The following RAB11FIP4 variants were observed in gnomAD, a reference collection of about 807,000 sequenced individuals.
The protein encoded by RAB11FIP4 is RAB11 family interacting protein 4, also known as rab11 family-interacting protein 4.
In RAB11FIP4, 23 loss-of-function variants were observed where a neutral mutation model predicts 74.3. The observed-to-expected ratio is 0.31, with a 90% CI of 0.22 to 0.44. The LOEUF (loss-of-function observed/expected upper bound fraction) is 0.44. Among genes scored for constraint, RAB11FIP4 ranks in the 20% least tolerant of loss-of-function variants. The pLI is 1.00. For missense variants in RAB11FIP4, 630 were observed against 863.9 expected (o/e 0.73, Z 3.39); for synonymous variants, 360 against 359.9 (o/e 1.00, Z 0.00).
intron 3 of RAB11FIP4, among the ~76,000 whole-genome samples, chr17:31,508,140 C>G (rs1277469567): frequency 2.0e-5 from 3 of 152,140 alleles, no homozygotes; most frequent in Admixed American, 6.5e-5. Context: ...TTTTTAACTC[C>G]CAACCTTTGA....
Position 31,512,202 on chromosome 17 carries a change from G to A in RAB11FIP4, c.337-5449G>A, listed in dbSNP as rs996611644. The stretch of plus-strand genomic sequence containing the variant: ...CACCCTCTGTTGCCTGTAGCCCCTC[G>A]TGAGGCCAGGTCAGAATTTACGGCT... On this transcript the variant is annotated intron_variant, in intron 3 of 14. Transcript: ENST00000621161. This position sits in a 1 kb window ranked among gnomAD's most constrained non-coding sequence, Gnocchi z 4.1. Among the ~76,000 whole-genome samples, 4 of 152,174 alleles carry A rather than the reference G, an allele frequency of 2.6e-5. No individual in the cohort carries two copies. Among genetic ancestry groups the A allele is most frequent in the Non-Finnish European group, 5.9e-5 (4 of 68,032 alleles).
rs1269150132 is a variant in RAB11FIP4 at position 31,391,992 on chromosome 17, G to C, written c.140G>C (p.Arg47Pro). 7.5e-7 allele frequency: 1 copy of C among 1,341,236 alleles called. No homozygotes were observed. The highest frequency in any genetic ancestry group is 9.6e-7 in the Non-Finnish European group (1 of 1,045,584). The allele number at this position is 1,341,236 out of a possible 1,614,324, so 83.1% of individuals were successfully genotyped here. ...GAGCGCGTCGCGGCGCTCGGACTGC[G>C]CTTCGGCCAGGGCGAGGAGGTAAGC... ...RVERVAALGL[R>P]FGQGEEVEKL... Residue 47 changes from arginine (R) to proline (P), a missense_variant, in exon 1 of 15, where the codon CGC becomes CCC. Physicochemically the swap from Arg to Pro is moderately radical, Grantham distance 103. Transcript: ENST00000621161.
At chr17:31,436,464 C>T (rs77734765) in intron 3 of RAB11FIP4, among the ~76,000 whole-genome samples, 237 of 152,268 alleles carry the variant, frequency 1.6e-3, no homozygotes, top group African/African-American at 5.4e-3. Flanking sequence ...GTAGGGGTGA[C>T]GTGTTCCCTG....
Position 31,531,623 on chromosome 17 carries a change from A to G in RAB11FIP4, c.1805A>G (p.Glu602Gly). Residue 602 changes from glutamate to glycine, a missense_variant, in exon 15 of 15, where the codon GAA becomes GGA. By Grantham distance (98) the Glu-to-Gly change is moderately conservative. Coordinates refer to ENST00000621161, the MANE Select transcript of RAB11FIP4 (RefSeq NM_032932.6). ...IDTASRDELMEALKEQEEINF... is the reference protein window; with the variant it reads ...IDTASRDELMGALKEQEEINF... ...CTTTCCCATTTCCTTCAGCTAATGG[A>G]AGCCCTGAAGGAGCAGGAGGAGATC... is the stretch of plus-strand genomic sequence containing the variant. 6.2e-7 allele frequency: 1 copy of G among 1,612,210 alleles called. No individual in the cohort carries two copies.
intron 3 of RAB11FIP4, among the ~76,000 whole-genome samples, chr17:31,487,795 G>A (rs1183771110): frequency 1.3e-5 from 2 of 152,070 alleles, no homozygotes; most frequent in African/African-American, 2.4e-5. Flanking sequence ...GTCCCAGCCA[G>A]GGCTGCCCTG....
intron 3 of RAB11FIP4, among the ~76,000 whole-genome samples, chr17:31,461,749 G>C (rs951418713): frequency 1.3e-5 from 2 of 148,766 alleles, no homozygotes; most frequent in African/African-American, 5.0e-5. Context: ...ACAAGGTCTT[G>C]CTCTGTCACC....
At position 31,458,738 on chromosome 17, in the gene RAB11FIP4, G is replaced by A. The variant is rs148511210; in HGVS notation, c.336+24616G>A. On this transcript the variant is annotated intron_variant, in intron 3 of 14. Coordinates refer to ENST00000621161, the MANE Select transcript of RAB11FIP4 (RefSeq NM_032932.6). ...GTTCTTTCCTCTTGGAACCCTTCATGCACCAGCATCTTTGTCACATTAGTG... is the reference window on the plus strand; with the variant it reads ...GTTCTTTCCTCTTGGAACCCTTCATACACCAGCATCTTTGTCACATTAGTG... Among the ~76,000 whole-genome samples the A allele has an allele frequency of 2.4e-4, 36 of 152,324 alleles. 1 individual carries two copies. Among genetic ancestry groups the A allele is most frequent in the African/African-American group, 7.9e-4 (33 of 41,572 alleles).
At chr17:31,409,579 A>G (rs2071074487) in intron 1 of RAB11FIP4, among the ~76,000 whole-genome samples, 1 of 152,110 alleles carries the variant, frequency 6.6e-6, no homozygotes, top group South Asian at 2.1e-4. Flanking sequence ...GAAACTCCAG[A>G]TGTGTAGGAA....
Position 31,528,604 on chromosome 17 carries a change from C to T in RAB11FIP4, c.1495-16C>T. The T allele has an allele frequency of 6.2e-7, 1 of 1,613,320 alleles. No individual in the cohort carries two copies. The highest frequency in any genetic ancestry group is 1.7e-5 in the Admixed American group (1 of 60,012). On this transcript the variant is annotated splice_polypyrimidine_tract_variant and intron_variant, in intron 12 of 14. Transcript: ENST00000621161. ...CAGCATCCCTGCTCCTGCCAACCTG[C>T]TTCTCTCCCTCGCAGCTCATCGAGG...
intron 3 of RAB11FIP4, among the ~76,000 whole-genome samples, chr17:31,503,387 C>G (rs1304122895): frequency 2.0e-5 from 3 of 149,428 alleles, no homozygotes; most frequent in African/African-American, 7.7e-5. Flanking sequence ...TTCTGAAGTA[C>G]TAGGGATTAG....
intron 4 of RAB11FIP4, among the ~76,000 whole-genome samples, chr17:31,519,904 G>A (rs1164437955): frequency 6.6e-6 from 1 of 151,832 alleles, no homozygotes; most frequent in African/African-American, 2.4e-5. Context: ...CCTGAGGCCA[G>A]GAGTTTGAGA....
chr17:31,520,994 T>G (rs190903517), intron 4 of RAB11FIP4, 172 bp from the exon 5 acceptor site: 11 of 471,650 alleles, frequency 2.3e-5, no homozygotes, highest in African/African-American at 1.8e-4. Context: ...ATGGTTTCTG[T>G]GGTGAGATGT....
At position 31,395,522 on chromosome 17, in the gene RAB11FIP4, A is replaced by G. The variant is rs149839908; in HGVS notation, c.159+3511A>G. On this transcript the variant is annotated intron_variant, in intron 1 of 14. Coordinates refer to ENST00000621161, the MANE Select transcript of RAB11FIP4 (RefSeq NM_032932.6). ...ACACCCTTGGTGTGATGTGGTGAGAATAGAACTTTTCCTCTGTGGTCTTCC... is the reference window on the plus strand; with the variant it reads ...ACACCCTTGGTGTGATGTGGTGAGAGTAGAACTTTTCCTCTGTGGTCTTCC... 3.1e-4 allele frequency among the ~76,000 whole-genome samples: 47 copies of G among 152,334 alleles called. 1 individual carries two copies. In the East Asian group the frequency reaches 8.5e-3, roughly 27 times the overall value.
chr17:31,434,216 A>C, intron 3 of RAB11FIP4, 94 bp downstream of exon 3: 1 of 1,024,222 alleles, frequency 9.8e-7, no homozygotes, highest in Non-Finnish European at 1.5e-6. Flanking sequence ...GAGGACCCAG[A>C]ACCTCCCTCT....
At chr17:31,433,642 G>A (rs1396152362) in intron 2 of RAB11FIP4, among the ~76,000 whole-genome samples, 3 of 152,178 alleles carry the variant, frequency 2.0e-5, no homozygotes, top group Non-Finnish European at 4.4e-5. Flanking sequence ...TGCAGGACAC[G>A]GGGGGCGCCC....
intron 7 of RAB11FIP4, 98 bp from the exon 8 acceptor site, chr17:31,523,414 C>T: frequency 1.1e-6 from 1 of 946,554 alleles, no homozygotes; most frequent in Non-Finnish European, 1.7e-6. Flanking sequence ...AAGGGGCAGA[C>T]CCCCTGGGGT....
chr17:31,488,184 C>T (rs945269754), intron 3 of RAB11FIP4: 2 of 1,082,906 alleles, frequency 1.8e-6, no homozygotes, highest in African/African-American at 1.7e-5. Context: ...GCCGCGTCCC[C>T]GCGCGCCGCC....
At chr17:31,529,148 G>T (rs1229423162) in intron 13 of RAB11FIP4, among the ~76,000 whole-genome samples, 2 of 149,992 alleles carry the variant, frequency 1.3e-5, no homozygotes, top group Non-Finnish European at 3.0e-5. Context: ...ACCCAGGCTG[G>T]AGTGCTTTGG....
chr17:31,505,561 TATA>T (rs1463296993), intron 3 of RAB11FIP4, among the ~76,000 whole-genome samples: 2 of 73,312 alleles, frequency 2.7e-5, no homozygotes, highest in East Asian at 5.4e-4. Context: ...TAATAATAAT[TATA>T]ATATATAATA....
Sources: allele counts gnomAD v4.1 joint callset (sites outside exome capture counted in the v4.1 genomes callset), GRCh38; gene constraint gnomAD v4.1.1; non-coding constraint Gnocchi (gnomAD v3.1); transcripts MANE v1.5; gene names NCBI Gene and HGNC (gene_info 2026-07-23, HGNC 2026-07-21).